The following ATP7A variants were observed in gnomAD, a reference collection of about 807,000 sequenced individuals.
ATP7A encodes copper-transporting ATPase 1.
ATP7A carries 7 observed loss-of-function variants against 83.5 expected under a neutral mutation model. The observed-to-expected ratio is 0.08, with a 90% CI of 0.05 to 0.16. The LOEUF (loss-of-function observed/expected upper bound fraction) is 0.16. Ranked by LOEUF, ATP7A falls within the 10% of genes least tolerant of loss-of-function variation. The probability of loss-of-function intolerance (pLI) is 1.00; values close to 1 mark genes in which losing one functional copy is unlikely to be tolerated. For synonymous variants in ATP7A, 354 were observed against 395.2 expected, an observed-to-expected ratio of 0.90 and a Z score of 1.24; for missense variants, 940 against 1,120.8, an observed-to-expected ratio of 0.84 and a Z score of 2.30.
At chrX:77,913,547 C>T (rs2077171385) in intron 1 of ATP7A, among the ~76,000 whole-genome samples, 1 of 111,902 alleles carries the variant, frequency 8.9e-6, no homozygotes, top group Non-Finnish European at 1.9e-5. Context: ...TACTTGCTTA[C>T]TTAACTTGCT....
intron 1 of ATP7A, among the ~76,000 whole-genome samples, chrX:77,911,269 G>C (rs1428394269): frequency 8.9e-6 from 1 of 112,257 alleles, no homozygotes; most frequent in Non-Finnish European, 1.9e-5. Context: ...TCTTGCTCTG[G>C]GAGCGTAAGG....
In ATP7A at chrX:77,998,473, A is replaced by G. The variant is rs371146030; in HGVS notation, c.1337-5A>G. 1.7e-6 allele frequency: 2 copies of G among 1,208,221 alleles called. No homozygotes were observed. Among genetic ancestry groups the G allele is most frequent in the African/African-American group, 3.5e-5 (2 of 57,230 alleles). ...AAATGAAAAGAATCTTTCCCTTTCT[A>G]CCAGACACGAATGAGCCGTTGGTAG... On this transcript the variant is annotated splice_region_variant and splice_polypyrimidine_tract_variant and intron_variant, in intron 4 of 22. Coordinates refer to ENST00000341514, the MANE Select transcript of ATP7A (RefSeq NM_000052.7).
intron 4 of ATP7A, among the ~76,000 whole-genome samples, chrX:77,993,251 A>C (rs2077680193): frequency 8.9e-6 from 1 of 111,925 alleles, no homozygotes; most frequent in Non-Finnish European, 1.9e-5. Context: ...ATAAACTTTC[A>C]GATTGGATTC....
intron 14 of ATP7A, among the ~76,000 whole-genome samples, chrX:78,028,610 A>C (rs2077962670): frequency 8.9e-6 from 1 of 112,267 alleles, no homozygotes; most frequent in African/African-American, 3.2e-5. Context: ...AAGTACTGGG[A>C]TTACAGATGT....
chrX:77,932,118 G>A (rs782657266), intron 1 of ATP7A, among the ~76,000 whole-genome samples: 23 of 110,051 alleles, frequency 2.1e-4, no homozygotes, highest in Middle Eastern at 4.7e-3. Flanking sequence ...CGGGGTGGCT[G>A]CTGGGCGGAG....
rs2078088547 is a variant in ATP7A, at chrX:78,047,178, T to C, written c.*608T>C. On this transcript the variant is annotated 3_prime_UTR_variant, in exon 23 of 23. Coordinates refer to ENST00000341514, the MANE Select transcript of ATP7A (RefSeq NM_000052.7). ...CTTTTTTAGATGCTCCAATATGTCT[T>C]CTTTTGTTATTTTCTTTCGAGCTAA... is the stretch of plus-strand genomic sequence containing the variant. The C allele has an allele frequency of 1.8e-5, 2 of 112,344 alleles. No homozygotes were observed. Among genetic ancestry groups the C allele is most frequent in the Admixed American group, 9.5e-5 (1 of 10,561 alleles). The allele number at this position is 112,344 out of a possible 1,213,427, so 9.3% of individuals were successfully genotyped here. A position where few individuals can be genotyped will look rare whatever the true frequency, so the allele number is the denominator to read the frequency against.
At chrX:77,967,145 T>A (rs1244570920) in intron 1 of ATP7A, among the ~76,000 whole-genome samples, 1 of 112,042 alleles carries the variant, frequency 8.9e-6, no homozygotes, top group African/African-American at 3.2e-5. Context: ...CTTTCTCCAG[T>A]CTATCATTGA....
At chrX:77,932,081 G>A (rs1282290600) in intron 1 of ATP7A, among the ~76,000 whole-genome samples, 2 of 111,135 alleles carry the variant, frequency 1.8e-5, no homozygotes, top group African/African-American at 3.3e-5. Context: ...GGTGGCTGCC[G>A]GGCGGAGACG....
At chrX:77,940,297 A>G (rs1335172580) in intron 1 of ATP7A, among the ~76,000 whole-genome samples, 1 of 111,178 alleles carries the variant, frequency 9.0e-6, no homozygotes, top group Non-Finnish European at 1.9e-5. Flanking sequence ...AAATAGAATA[A>G]CAAATCAATG....
At chrX:77,925,259 A>G (rs1299524078) in intron 1 of ATP7A, among the ~76,000 whole-genome samples, 1 of 111,955 alleles carries the variant, frequency 8.9e-6, no homozygotes, top group East Asian at 2.8e-4. Context: ...TTTTCTCCCA[A>G]TATGTTAACT....
At chrX:78,027,026 T>A (rs1569550119) in intron 14 of ATP7A, among the ~76,000 whole-genome samples, 2 of 109,908 alleles carry the variant, frequency 1.8e-5, no homozygotes, top group Non-Finnish European at 3.8e-5. Flanking sequence ...GGCACGCACC[T>A]GTAATCCCAG....
intron 7 of ATP7A, among the ~76,000 whole-genome samples, chrX:78,010,788 C>T (rs2077816396): frequency 9.2e-6 from 1 of 108,680 alleles, no homozygotes; most frequent in African/African-American, 3.4e-5. Context: ...ACCGTGTTGG[C>T]CATACTGCTC....
intron 1 of ATP7A, among the ~76,000 whole-genome samples, chrX:77,922,773 C>T (rs1603370047): frequency 8.9e-6 from 1 of 111,978 alleles, no homozygotes; most frequent in African/African-American, 3.2e-5. Context: ...TCCCTTCCTT[C>T]GTCCTTTAGG....
At chrX:77,955,020 A>G (rs1193809098) in intron 1 of ATP7A, among the ~76,000 whole-genome samples, 12 of 111,117 alleles carry the variant, frequency 1.1e-4, no homozygotes, top group Admixed American at 6.7e-4. Flanking sequence ...AGGTAGTCCT[A>G]TGACATACCT....
chrX:78,048,151 A>C lies in ATP7A; in HGVS notation c.*1581A>C. The C allele has an allele frequency of 8.9e-6, 1 of 112,202 alleles. No individual in the cohort carries two copies. The allele number at this position is 112,202 out of a possible 1,213,427, so 9.2% of individuals were successfully genotyped here. ...TTGGCAAATTTAGGAGCTTGTTCCC[A>C]TTGCCAAATGGATTTAGAAATTCCC... On this transcript the variant is annotated 3_prime_UTR_variant, in exon 23 of 23. Coordinates refer to ENST00000341514, the MANE Select transcript of ATP7A (RefSeq NM_000052.7).
chrX:77,936,932 G>A (rs2077322851), intron 1 of ATP7A, among the ~76,000 whole-genome samples: 1 of 112,261 alleles, frequency 8.9e-6, no homozygotes, highest in Non-Finnish European at 1.9e-5. Flanking sequence ...ACTGTGCCCA[G>A]CTGCAAATCA....
chrX:77,956,743 C>CTTTCTTTCTTTCTTTCTTTCTT (rs2077444464), intron 1 of ATP7A, among the ~76,000 whole-genome samples: 2 of 94,697 alleles, frequency 2.1e-5, no homozygotes, highest in African/African-American at 3.9e-5. Context: ...TTCTTTCTTT[C>CTTTCTTTCTTTCTTTCTTTCTT]TTTCTTTCTT....
intron 14 of ATP7A, among the ~76,000 whole-genome samples, chrX:78,024,836 G>A (rs782272015): frequency 9.0e-6 from 1 of 111,469 alleles, no homozygotes; most frequent in African/African-American, 3.3e-5. Context: ...GATCAGGAGT[G>A]CGAGTGCACC....
chrX:78,029,128 G>A (rs1557236664), intron 14 of ATP7A, 122 bp from the exon 15 acceptor site: 1 of 708,915 alleles, frequency 1.4e-6, no homozygotes, highest in Admixed American at 2.5e-5. Flanking sequence ...AATATATGTA[G>A]GTAGCTAGGT....
Sources: allele counts gnomAD v4.1 joint callset (sites outside exome capture counted in the v4.1 genomes callset), GRCh38; gene constraint gnomAD v4.1.1; transcripts MANE v1.5; gene names NCBI Gene and HGNC (gene_info 2026-07-23, HGNC 2026-07-21).